Variants in UCK2 observed in about 807,000 individuals in gnomAD.
UCK2 encodes uridine-cytidine kinase 2.
In UCK2, 6 loss-of-function variants were observed where a neutral mutation model predicts 30.8. The ratio of observed to expected loss-of-function variants is 0.19; its 90% CI spans 0.11 to 0.38. UCK2 has a LOEUF of 0.38. UCK2 is among the 10% of genes least tolerant of loss of function. The pLI is 1.00. For missense variants in UCK2, 210 were observed against 339.8 expected, an observed-to-expected ratio of 0.62 and a Z score of 3.00; for synonymous variants, 125 against 133.6, an observed-to-expected ratio of 0.94 and a Z score of 0.45.
At chr1:165,891,174 G>C in intron 2 of UCK2, 52 bp from the exon 3 acceptor site, 5 of 1,501,604 alleles carry the variant, frequency 3.3e-6, no homozygotes, top group Non-Finnish European at 4.6e-6. Context: ...TATGATTATA[G>C]GAGATCCTAT....
intron 1 of UCK2, among the ~76,000 whole-genome samples, chr1:165,878,133 C>T (rs1333317286): frequency 6.6e-6 from 1 of 152,138 alleles, no homozygotes; most frequent in Non-Finnish European, 1.5e-5. Context: ...GTGCTCTGCC[C>T]ATTCATCCCT....
intron 1 of UCK2, among the ~76,000 whole-genome samples, chr1:165,860,150 G>C (rs947660119): frequency 6.6e-6 from 1 of 152,332 alleles, no homozygotes; most frequent in South Asian, 2.1e-4. Flanking sequence ...GCAGATTCAA[G>C]ATGCTCACCC....
chr1:165,859,552 G>C (rs542009428), intron 1 of UCK2, among the ~76,000 whole-genome samples: 15 of 152,290 alleles, frequency 9.8e-5, no homozygotes, highest in African/African-American at 3.6e-4. Context: ...CGGGAGCTGT[G>C]GCTCACGTCT....
Position 165,907,824 on chromosome 1 carries a change from C to T in UCK2, c.*1C>T, listed in dbSNP as rs1647721793. 6.2e-7 allele frequency: 1 copy of T among 1,613,982 alleles called. No homozygotes were observed. Reference sequence around the variant, plus strand: ...GGAGTCCAGCAGCAGGCCGCATTGACCCGTCTCCATCGGACCCCAGCCCCT... The same window carrying T: ...GGAGTCCAGCAGCAGGCCGCATTGATCCGTCTCCATCGGACCCCAGCCCCT... On this transcript the variant is annotated 3_prime_UTR_variant, in exon 7 of 7. Coordinates refer to ENST00000367879, the MANE Select transcript of UCK2 (RefSeq NM_012474.5).
Position 165,827,639 on chromosome 1 carries a change from A to G in UCK2, c.-195A>G, listed in dbSNP as rs1653917173. ...GTAAACCGGACCAGCCGCTGCGGGC[A>G]AAGGAAGGCTCTTGGCTCCTTCGGG... On this transcript the variant is annotated 5_prime_UTR_variant, in exon 1 of 7. Transcript: ENST00000367879. 7.5e-6 allele frequency: 3 copies of G among 401,294 alleles called. No individual in the cohort carries two copies. Among genetic ancestry groups the G allele is most frequent in the Non-Finnish European group, 4.3e-6 (1 of 232,690 alleles). 24.9% of individuals were successfully genotyped at this position (401,294 alleles called of 1,614,324 possible). A position where few individuals can be genotyped will look rare whatever the true frequency, so the allele number is the denominator to read the frequency against.
chr1:165,907,653 C>T (rs751010961), intron 6 of UCK2, 31 bp from the exon 7 acceptor site: 1 of 1,611,458 alleles, frequency 6.2e-7, no homozygotes, highest in African/African-American at 1.3e-5. Flanking sequence ...ATGCCTGCAC[C>T]CGTAACGCTC....
At chr1:165,880,603 G>T (rs1230285712) in intron 1 of UCK2, among the ~76,000 whole-genome samples, 1 of 128,504 alleles carries the variant, frequency 7.8e-6, no homozygotes, top group Non-Finnish European at 1.7e-5. Flanking sequence ...GTGTGTGTGT[G>T]TGTGTGTGTG....
chr1:165,896,069 G>A (rs1557848303), intron 3 of UCK2, 121 bp from the exon 4 acceptor site: 7 of 1,291,562 alleles, frequency 5.4e-6, no homozygotes, highest in South Asian at 2.7e-5. Flanking sequence ...TTTAGCCCCC[G>A]CTTGAAGTCT....
At chr1:165,848,047 T>C (rs942435160) in intron 1 of UCK2, among the ~76,000 whole-genome samples, 1 of 152,218 alleles carries the variant, frequency 6.6e-6, no homozygotes, top group Non-Finnish European at 1.5e-5. Flanking sequence ...TACACTTTTC[T>C]TCATCTTCTG....
Position 165,908,022 on chromosome 1 carries a change from A to T in UCK2, c.*199A>T, listed in dbSNP as rs989581991. The T allele has an allele frequency of 1.4e-6, 1 of 718,160 alleles. No individual in the cohort carries two copies. Among genetic ancestry groups the T allele is most frequent in the Admixed American group, 3.6e-5 (1 of 27,854 alleles). 44.5% of individuals were successfully genotyped at this position (718,160 alleles called of 1,614,324 possible). A position where few individuals can be genotyped will look rare whatever the true frequency, so the allele number is the denominator to read the frequency against. On this transcript the variant is annotated 3_prime_UTR_variant, in exon 7 of 7. Coordinates refer to ENST00000367879, the MANE Select transcript of UCK2 (RefSeq NM_012474.5). ...ACAGAACTTGACCCTGAGCTTAAAT[A>T]ACAAAACTGTGCCAACTACTACTGG...
chr1:165,910,500 G>A lies in UCK2; in HGVS notation c.*2677G>A, dbSNP rs1011850351. The A allele has an allele frequency of 2.8e-4, 42 of 152,406 alleles. No homozygotes were observed. The highest frequency in any genetic ancestry group is 9.9e-4 in the African/African-American group (41 of 41,572). The allele number at this position is 152,406 out of a possible 1,614,324, so 9.4% of individuals were successfully genotyped here. On this transcript the variant is annotated 3_prime_UTR_variant, in exon 7 of 7. Transcript: ENST00000367879. The stretch of plus-strand genomic sequence containing the variant: ...CCCAGGTATTGTGTGTGGACCAAGT[G>A]TTTAGGAAACAAGCATAGAAGCATT...
chr1:165,874,845 C>T (rs1343552004), intron 1 of UCK2, among the ~76,000 whole-genome samples: 1 of 152,178 alleles, frequency 6.6e-6, no homozygotes, highest in East Asian at 1.9e-4. Flanking sequence ...TCTTAGGTGG[C>T]TGTGGCAGGA....
chr1:165,854,627 AAATAAAT>A, intron 1 of UCK2, among the ~76,000 whole-genome samples: 1 of 151,314 alleles, frequency 6.6e-6, no homozygotes, highest in Non-Finnish European at 1.5e-5. Context: ...ATAAATAAAT[AAATAAAT>A]AAATAAATAA....
At chr1:165,874,819 C>G (rs565986745) in intron 1 of UCK2, among the ~76,000 whole-genome samples, 2 of 152,232 alleles carry the variant, frequency 1.3e-5, no homozygotes, top group Admixed American at 1.3e-4. Context: ...GGGTGCTGTC[C>G]TTTGCCCTGG....
At chr1:165,879,561 T>TTATTATTATTAC (rs1655427786) in intron 1 of UCK2, among the ~76,000 whole-genome samples, 1 of 150,548 alleles carries the variant, frequency 6.6e-6, no homozygotes, top group Non-Finnish European at 1.5e-5. Flanking sequence ...ATTATTATTA[T>TTATTATTATTAC]TATTATTATT....
At chr1:165,845,905 G>T (rs1475767696) in intron 1 of UCK2, among the ~76,000 whole-genome samples, 1 of 152,104 alleles carries the variant, frequency 6.6e-6, no homozygotes, top group Non-Finnish European at 1.5e-5. Context: ...GTACTCCAGT[G>T]ATCCTCCTGC....
At chr1:165,861,838 A>G (rs1003574180) in intron 1 of UCK2, among the ~76,000 whole-genome samples, 4 of 152,018 alleles carry the variant, frequency 2.6e-5, no homozygotes, top group Non-Finnish European at 5.9e-5. Context: ...ACTTAAGCTT[A>G]TTTTTCTCTT....
rs958525041 is a variant in UCK2, at chr1:165,911,600, T to A, written c.*3777T>A. 6.6e-6 allele frequency: 1 copy of A among 152,202 alleles called. No individual in the cohort carries two copies. Among genetic ancestry groups the A allele is most frequent in the Non-Finnish European group, 1.5e-5 (1 of 68,030 alleles). The allele number at this position is 152,202 out of a possible 1,614,324, so 9.4% of individuals were successfully genotyped here. On this transcript the variant is annotated 3_prime_UTR_variant, in exon 7 of 7. Coordinates refer to ENST00000367879, the MANE Select transcript of UCK2 (RefSeq NM_012474.5). ...CACATATTATGTACTTTGCTGTAAA[T>A]AAAGACAGACAAAAAGGCTCTCGCC... is the stretch of plus-strand genomic sequence containing the variant.
At position 165,905,960 on chromosome 1, in the gene UCK2, G is replaced by C. The variant is rs1647643724; in HGVS notation, c.637G>C (p.Asp213His). 6.2e-7 allele frequency: 1 copy of C among 1,613,936 alleles called. No homozygotes were observed. The highest frequency in any genetic ancestry group is 1.3e-5 in the African/African-American group (1 of 75,030). ...TGATGTGATCATCCCTAGAGGTGCA[G>C]ATAATCTGGGTGAGTCCCTGCAGAG... is the stretch of plus-strand genomic sequence containing the variant. Reference protein sequence around the residue: ...YADVIIPRGADNLVAINLIVQ... With the variant: ...YADVIIPRGAHNLVAINLIVQ... Residue 213 changes from aspartate to histidine, a missense_variant, in exon 6 of 7, where the codon GAT becomes CAT. By Grantham distance (81) the Asp-to-His change is moderately conservative (BLOSUM62 -1). Coordinates refer to ENST00000367879, the MANE Select transcript of UCK2 (RefSeq NM_012474.5).
Sources: allele counts gnomAD v4.1 joint callset (sites outside exome capture counted in the v4.1 genomes callset), GRCh38; gene constraint gnomAD v4.1.1; transcripts MANE v1.5; gene names NCBI Gene and HGNC (gene_info 2026-07-23, HGNC 2026-07-21).